The following G2E3 variants were observed in gnomAD, a reference collection of about 807,000 sequenced individuals.
G2E3 encodes G2/M phase-specific E3 ubiquitin-protein ligase.
G2E3 carries 35 observed loss-of-function variants against 92.8 expected under a neutral mutation model. The ratio of observed to expected loss-of-function variants is 0.38; its 90% confidence interval spans 0.29 to 0.50. The LOEUF (loss-of-function observed/expected upper bound fraction) is 0.50. Ranked by LOEUF, G2E3 falls within the 20% of genes least tolerant of loss-of-function variation. The pLI is 0.94. For missense variants in G2E3, 554 were observed against 823.8 expected (o/e 0.67, Z 4.01); for synonymous variants, 242 against 272.4 (o/e 0.89, Z 1.10).
intron 1 of G2E3, chr14:30,580,875 T>C (rs1880393754): frequency 2.0e-6 from 1 of 499,472 alleles, no homozygotes; most frequent in Non-Finnish European, 3.7e-6. Flanking sequence ...TAAAAAACAT[T>C]CCCTTCAATT....
At chr14:30,592,778 A>G (rs1314406022) in intron 5 of G2E3, among the ~76,000 whole-genome samples, 1 of 152,164 alleles carries the variant, frequency 6.6e-6, no homozygotes, top group Non-Finnish European at 1.5e-5. Context: ...CTTTAGAATT[A>G]TTGTAGACTT....
chr14:30,583,117 C>G (rs1309725502), intron 2 of G2E3, among the ~76,000 whole-genome samples: 1 of 152,152 alleles, frequency 6.6e-6, no homozygotes, highest in Non-Finnish European at 1.5e-5. Context: ...CTGCGGTATG[C>G]AATCATTTAG....
chr14:30,588,956 C>T lies in G2E3; in HGVS notation c.136-427C>T, dbSNP rs1880861868. 2.6e-5 allele frequency among the ~76,000 whole-genome samples: 4 copies of T among 152,128 alleles called. No homozygotes were observed. In the South Asian group the frequency reaches 8.3e-4, roughly 32 times the overall value. The stretch of plus-strand genomic sequence containing the variant: ...AATAATGCCTTAATGATTCAGAATT[C>T]AGCTAGATTTAGAGTTAGCCTGAAA... On this transcript the variant is annotated intron_variant, in intron 3 of 14. Transcript: ENST00000206595.
chr14:30,594,219 G>A (rs1881157499), intron 6 of G2E3, among the ~76,000 whole-genome samples: 1 of 152,080 alleles, frequency 6.6e-6, no homozygotes, highest in Non-Finnish European at 1.5e-5. Context: ...CTTTGATTCT[G>A]AAAATACTTG....
chr14:30,599,568 C>G (rs144065087), intron 8 of G2E3, among the ~76,000 whole-genome samples: 11 of 152,234 alleles, frequency 7.2e-5, no homozygotes, highest in Non-Finnish European at 1.6e-4. Flanking sequence ...ATATAGTCAC[C>G]TTCTGATGTA....
At chr14:30,563,414 C>CT (rs1315052001) in intron 1 of G2E3, among the ~76,000 whole-genome samples, 1 of 152,076 alleles carries the variant, frequency 6.6e-6, no homozygotes, top group Non-Finnish European at 1.5e-5. Flanking sequence ...ACTTCCCCAA[C>CT]AAAACTGGTA....
chr14:30,575,599 G>A (rs571862832), intron 1 of G2E3, among the ~76,000 whole-genome samples: 1 of 152,300 alleles, frequency 6.6e-6, no homozygotes, highest in South Asian at 2.1e-4. Flanking sequence ...CAGATTACAT[G>A]ATTCTGTATC....
chr14:30,567,355 G>A (rs181567907), intron 1 of G2E3, among the ~76,000 whole-genome samples: 74 of 152,188 alleles, frequency 4.9e-4, no homozygotes, highest in African/African-American at 1.5e-3. Flanking sequence ...TTGTAGATTT[G>A]TTGAAATTTT....
intron 1 of G2E3, 152 bp from the exon 2 acceptor site, chr14:30,580,924 C>G (rs1880397501): frequency 1.7e-6 from 1 of 594,302 alleles, no homozygotes; most frequent in Admixed American, 3.3e-5. Context: ...CAGTTGAGAA[C>G]TACTGATCTT....
chr14:30,608,142 A>G, intron 12 of G2E3, 73 bp downstream of exon 12: 1 of 809,084 alleles, frequency 1.2e-6, no homozygotes, highest in South Asian at 2.2e-5. Flanking sequence ...ACTGATCTGC[A>G]ATAAAATAAT....
chr14:30,585,747 A>C (rs1347058593), intron 2 of G2E3, among the ~76,000 whole-genome samples: 1 of 148,244 alleles, frequency 6.7e-6, no homozygotes, highest in Non-Finnish European at 1.5e-5. Flanking sequence ...CTTTGGGTTT[A>C]GTTTCTTCTT....
chr14:30,599,293 T>TA (rs1222930336), intron 8 of G2E3, among the ~76,000 whole-genome samples: 3 of 152,318 alleles, frequency 2.0e-5, no homozygotes, highest in African/African-American at 7.2e-5. Context: ...AGTGGCATGA[T>TA]CTCAGCTCAC....
chr14:30,573,367 T>C (rs1879879264), intron 1 of G2E3: 1 of 151,692 alleles, frequency 6.6e-6, no homozygotes, highest in Non-Finnish European at 1.5e-5. Flanking sequence ...GTAACATGGG[T>C]GTATTAGTCA....
chr14:30,594,543 A>G (rs74838479), intron 6 of G2E3, among the ~76,000 whole-genome samples: 1 of 151,916 alleles, frequency 6.6e-6, no homozygotes, highest in Non-Finnish European at 1.5e-5. Flanking sequence ...CAAAAAAAAA[A>G]TTAGCCGGGC....
chr14:30,587,415 A>G (rs914895197), intron 3 of G2E3, among the ~76,000 whole-genome samples: 42 of 152,306 alleles, frequency 2.8e-4, no homozygotes, highest in African/African-American at 9.4e-4. Flanking sequence ...CCACCTTAGC[A>G]TGCCAGGCTT....
chr14:30,559,835 A>G (rs1276091503), intron 1 of G2E3: 1 of 152,116 alleles, frequency 6.6e-6, no homozygotes, highest in Non-Finnish European at 1.5e-5. Context: ...CTGAAATTCG[A>G]GTGTCCTTTG....
intron 12 of G2E3, 107 bp from the exon 13 acceptor site, chr14:30,612,100 C>T: frequency 2.9e-6 from 2 of 695,332 alleles, no homozygotes; most frequent in South Asian, 4.3e-5. Flanking sequence ...TTTACTGCAC[C>T]CATATGTACT....
At chr14:30,592,044 T>C (rs548013630) in intron 4 of G2E3, among the ~76,000 whole-genome samples, 2 of 152,280 alleles carry the variant, frequency 1.3e-5, no homozygotes, top group Non-Finnish European at 2.9e-5. Context: ...GTTTAAAATA[T>C]TTTAGTAGGA....
intron 11 of G2E3, 130 bp from the exon 12 acceptor site, chr14:30,607,758 A>G (rs1193417966): frequency 3.8e-6 from 2 of 527,388 alleles, no homozygotes; most frequent in Non-Finnish European, 6.6e-6. Flanking sequence ...TATATTTTCT[A>G]CATAATGATA....
Sources: allele counts gnomAD v4.1 joint callset (sites outside exome capture counted in the v4.1 genomes callset), GRCh38; gene constraint gnomAD v4.1.1; transcripts MANE v1.5; gene names NCBI Gene and HGNC (gene_info 2026-07-23, HGNC 2026-07-21).